The following SLC9A9 variants were observed in gnomAD, a reference collection of about 807,000 sequenced individuals.
SLC9A9 encodes sodium/hydrogen exchanger 9.
SLC9A9 carries 62 observed loss-of-function variants against 77.8 expected under a neutral mutation model. The ratio of observed to expected loss-of-function variants is 0.80; its 90% confidence interval spans 0.65 to 0.98. SLC9A9 has a LOEUF of 0.98. Ranked by LOEUF, SLC9A9 falls within the 50% of genes least tolerant of loss-of-function variation. SLC9A9 has a pLI of 0.00. For missense variants in SLC9A9, 775 were observed against 774.9 expected (o/e 1.00, Z 0.00); for synonymous variants, 320 against 283.5 (o/e 1.13, Z -1.29).
intron 5 of SLC9A9, among the ~76,000 whole-genome samples, chr3:143,678,497 T>C (rs1467057906): frequency 1.3e-5 from 2 of 152,226 alleles, no homozygotes; most frequent in African/African-American, 4.8e-5. Context: ...AATTTTATAA[T>C]CTAAATGGAT....
intron 6 of SLC9A9, among the ~76,000 whole-genome samples, chr3:143,625,254 G>GA (rs1433792187): frequency 6.6e-6 from 1 of 152,114 alleles, no homozygotes; most frequent in African/African-American, 2.4e-5. Context: ...CACAGAATTG[G>GA]AAAAAACTAC....
intron 14 of SLC9A9, among the ~76,000 whole-genome samples, chr3:143,327,324 A>G (rs1323708691): frequency 6.6e-6 from 1 of 152,236 alleles, no homozygotes; most frequent in East Asian, 1.9e-4. Context: ...GTGAATGAAT[A>G]GTAAAGGAAC....
At chr3:143,440,755 G>T (rs1458492713) in intron 12 of SLC9A9, among the ~76,000 whole-genome samples, 1 of 152,240 alleles carries the variant, frequency 6.6e-6, no homozygotes, top group Non-Finnish European at 1.5e-5. Context: ...AAAGCCACTT[G>T]AACAGTGTAC....
At chr3:143,359,549 GT>G (rs763151826) in intron 14 of SLC9A9, among the ~76,000 whole-genome samples, 8 of 152,156 alleles carry the variant, frequency 5.3e-5, no homozygotes, top group Non-Finnish European at 1.0e-4. Flanking sequence ...GTGCAGAAGG[GT>G]GCTTGGGGTG....
chr3:143,399,214 G>A (rs1196346943), intron 12 of SLC9A9, among the ~76,000 whole-genome samples: 1 of 152,102 alleles, frequency 6.6e-6, no homozygotes, highest in African/African-American at 2.4e-5. Context: ...CAATGGGTAA[G>A]CTAGGAAGCT....
At chr3:143,345,394 T>C (rs1294969276) in intron 14 of SLC9A9, among the ~76,000 whole-genome samples, 1 of 152,008 alleles carries the variant, frequency 6.6e-6, no homozygotes, top group East Asian at 1.9e-4. Flanking sequence ...GGAAGAGTAT[T>C]ACAAGGAGGA....
chr3:143,836,303 A>T (rs1050255171), intron 1 of SLC9A9, among the ~76,000 whole-genome samples: 1 of 152,198 alleles, frequency 6.6e-6, no homozygotes, highest in Admixed American at 6.5e-5. Flanking sequence ...CCTCAACCAG[A>T]CAATGAGACT....
At chr3:143,320,799 C>T (rs2031392773) in intron 14 of SLC9A9, among the ~76,000 whole-genome samples, 2 of 152,242 alleles carry the variant, frequency 1.3e-5, no homozygotes, top group South Asian at 4.1e-4. Context: ...TACATGTGGC[C>T]TTATTTGGAA....
chr3:143,752,472 G>C (rs1002765450), intron 4 of SLC9A9, among the ~76,000 whole-genome samples: 1 of 152,198 alleles, frequency 6.6e-6, no homozygotes, highest in Non-Finnish European at 1.5e-5. Flanking sequence ...AAGCATAGCG[G>C]CCTCCATAGG....
At chr3:143,675,422 G>A (rs2039221116) in intron 5 of SLC9A9, among the ~76,000 whole-genome samples, 1 of 152,092 alleles carries the variant, frequency 6.6e-6, no homozygotes, top group Non-Finnish European at 1.5e-5. Context: ...ATTTAATTTA[G>A]GCACCAGACA....
intron 8 of SLC9A9, among the ~76,000 whole-genome samples, chr3:143,572,023 C>T (rs1299908748): frequency 1.3e-5 from 2 of 152,132 alleles, no homozygotes; most frequent in Admixed American, 1.3e-4. Flanking sequence ...GTCTGCCCCT[C>T]GGTACAGCCA....
intron 12 of SLC9A9, among the ~76,000 whole-genome samples, chr3:143,384,058 T>C (rs188047320): frequency 2.0e-5 from 3 of 152,248 alleles, no homozygotes; most frequent in Admixed American, 2.0e-4. Flanking sequence ...GGGAAGAGCC[T>C]CTGGAGGGGA....
chr3:143,739,946 T>C (rs1013403570), intron 4 of SLC9A9, among the ~76,000 whole-genome samples: 2 of 152,220 alleles, frequency 1.3e-5, no homozygotes, highest in Admixed American at 6.5e-5. Context: ...ACTGTCCACA[T>C]CCATGTTGAG....
chr3:143,323,190 T>G (rs1057205651), intron 14 of SLC9A9, among the ~76,000 whole-genome samples: 15 of 152,156 alleles, frequency 9.9e-5, no homozygotes, highest in African/African-American at 3.6e-4. Flanking sequence ...AAACTGAAAA[T>G]AGAATTACCA....
chr3:143,826,273 A>AC (rs1355571410), intron 2 of SLC9A9, among the ~76,000 whole-genome samples: 4 of 150,592 alleles, frequency 2.7e-5, no homozygotes, highest in African/African-American at 5.0e-5. Context: ...AAAAAAAAAA[A>AC]CCACCATATT....
chr3:143,587,227 T>C (rs2037556209), intron 6 of SLC9A9, among the ~76,000 whole-genome samples: 1 of 152,238 alleles, frequency 6.6e-6, no homozygotes, highest in Non-Finnish European at 1.5e-5. Context: ...GACATTGTTC[T>C]TAGCACTGAA....
Position 143,361,815 on chromosome 3 carries a change from T to G in SLC9A9, c.1604+1669A>C, listed in dbSNP as rs540457375. Among the ~76,000 whole-genome samples the G allele has an allele frequency of 2.0e-4, 31 of 152,330 alleles. No homozygotes were observed. The East Asian group carries it at 5.6e-3, about 27-fold the overall frequency. ...TAGTGTCACTGCCTTAAGCTAAAAATTTTGATGGACTTCCACTTTTATTTT... is the reference window on the plus strand; with the variant it reads ...TAGTGTCACTGCCTTAAGCTAAAAAGTTTGATGGACTTCCACTTTTATTTT... On this transcript the variant is annotated intron_variant, in intron 14 of 15. Transcript: ENST00000316549.
chr3:143,469,211 C>T (rs838621), intron 11 of SLC9A9, among the ~76,000 whole-genome samples: 106,839 of 152,046 alleles, frequency 0.7, 38,214 homozygotes, highest in African/African-American at 0.83. Flanking sequence ...GAAATCGAAA[C>T]GTGATGACAC....
chr3:143,446,749 T>A (rs1353480010), intron 12 of SLC9A9, among the ~76,000 whole-genome samples: 8 of 152,052 alleles, frequency 5.3e-5, no homozygotes, highest in Admixed American at 5.2e-4. Context: ...AGGCTGCTGA[T>A]GGGTAAAAGG....
Sources: allele counts gnomAD v4.1 joint callset (sites outside exome capture counted in the v4.1 genomes callset), GRCh38; gene constraint gnomAD v4.1.1; transcripts MANE v1.5; gene names NCBI Gene and HGNC (gene_info 2026-07-23, HGNC 2026-07-21).